The following CTNNA3 variants were observed in gnomAD, a reference collection of about 807,000 sequenced individuals.
CTNNA3 encodes catenin alpha-3.
In CTNNA3, 76 loss-of-function variants were observed where a neutral mutation model predicts 95.7. That is an observed-to-expected ratio of 0.79 (90% CI 0.66 to 0.96). CTNNA3 has a LOEUF of 0.96. Ranked by LOEUF, CTNNA3 falls within the 40% of genes least tolerant of loss-of-function variation. CTNNA3 has a pLI of 0.00. For missense variants in CTNNA3, 1,191 were observed against 1,089.8 expected, an observed-to-expected ratio of 1.09 and a Z score of -1.31; for synonymous variants, 431 against 374.4, an observed-to-expected ratio of 1.15 and a Z score of -1.74.
intron 4 of CTNNA3, among the ~76,000 whole-genome samples, chr10:67,526,507 C>A (rs986461199): frequency 2.0e-5 from 3 of 152,190 alleles, no homozygotes; most frequent in African/African-American, 7.2e-5. Flanking sequence ...CATTTAATAA[C>A]TGCATCACTT....
At chr10:66,649,410 A>G (rs1845818824) in intron 9 of CTNNA3, among the ~76,000 whole-genome samples, 1 of 152,160 alleles carries the variant, frequency 6.6e-6, no homozygotes, top group Non-Finnish European at 1.5e-5. Context: ...TAAGAAAGAC[A>G]CACTGATAAA....
intron 5 of CTNNA3, among the ~76,000 whole-genome samples, chr10:67,354,003 C>T (rs1354714050): frequency 1.1e-4 from 17 of 152,086 alleles, no homozygotes; most frequent in Non-Finnish European, 1.8e-4. Context: ...CAGCCCACTC[C>T]GCCTCCATTC....
intron 11 of CTNNA3, among the ~76,000 whole-genome samples, chr10:66,491,723 T>C (rs1016564368): frequency 6.6e-6 from 1 of 152,158 alleles, no homozygotes; most frequent in African/African-American, 2.4e-5. Flanking sequence ...AGGTAGCCAA[T>C]TTCAAAATCA....
chr10:67,466,956 A>C (rs143881866), intron 5 of CTNNA3, among the ~76,000 whole-genome samples: 24 of 152,254 alleles, frequency 1.6e-4, no homozygotes, highest in African/African-American at 5.1e-4. Context: ...AGCAGACAGA[A>C]AACCAAAAGG....
intron 9 of CTNNA3, among the ~76,000 whole-genome samples, chr10:66,628,876 T>C (rs7902213): frequency 3.9e-5 from 6 of 152,220 alleles, no homozygotes; most frequent in African/African-American, 1.4e-4. Flanking sequence ...GTTAGATGTG[T>C]AGTTAAGAGG....
At chr10:66,126,050 A>G (rs1018132818) in intron 13 of CTNNA3, among the ~76,000 whole-genome samples, 1 of 152,204 alleles carries the variant, frequency 6.6e-6, no homozygotes, top group Non-Finnish European at 1.5e-5. Flanking sequence ...AAGTTTGACA[A>G]CATTATTTAC....
At chr10:67,065,469 G>T (rs1392232399) in intron 7 of CTNNA3, among the ~76,000 whole-genome samples, 3 of 152,068 alleles carry the variant, frequency 2.0e-5, no homozygotes, top group African/African-American at 7.2e-5. Flanking sequence ...AATAAATATT[G>T]AAAAGTATTA....
intron 7 of CTNNA3, among the ~76,000 whole-genome samples, chr10:66,920,504 C>T (rs1450073938): frequency 6.6e-6 from 1 of 152,176 alleles, no homozygotes; most frequent in Admixed American, 6.5e-5. Flanking sequence ...TTGCCTCTGT[C>T]TAGTTCATTT....
At chr10:66,724,095 C>G (rs1164671543) in intron 9 of CTNNA3, among the ~76,000 whole-genome samples, 1 of 151,998 alleles carries the variant, frequency 6.6e-6, no homozygotes, top group Non-Finnish European at 1.5e-5. Context: ...TGAAAGTGCT[C>G]TCTGACAACA....
At chr10:66,042,916 A>C in intron 15 of CTNNA3, among the ~76,000 whole-genome samples, 1 of 144,686 alleles carries the variant, frequency 6.9e-6, no homozygotes, top group Middle Eastern at 3.5e-3. Context: ...AAAAAAAAAA[A>C]AAAAAAAAAA....
intron 7 of CTNNA3, among the ~76,000 whole-genome samples, chr10:67,001,252 G>A (rs1221090290): frequency 6.8e-6 from 1 of 147,176 alleles, no homozygotes; most frequent in African/African-American, 2.5e-5. Context: ...AGTGAGCCGA[G>A]ATGGAGCCAC....
At chr10:67,109,299 C>T (rs2131965602) in intron 7 of CTNNA3, among the ~76,000 whole-genome samples, 1 of 152,202 alleles carries the variant, frequency 6.6e-6, no homozygotes, top group Admixed American at 6.5e-5. Flanking sequence ...CCTGATATAC[C>T]AATAAGCACA....
chr10:66,983,679 G>A (rs1850572351), intron 7 of CTNNA3, among the ~76,000 whole-genome samples: 1 of 152,170 alleles, frequency 6.6e-6, no homozygotes, highest in African/African-American at 2.4e-5. Context: ...ATGACCTCAG[G>A]TGGAGGGAGG....
intron 13 of CTNNA3, among the ~76,000 whole-genome samples, chr10:66,138,381 G>T (rs2083454252): frequency 6.6e-6 from 1 of 152,128 alleles, no homozygotes; most frequent in South Asian, 2.1e-4. Context: ...TTTGGGCAAT[G>T]ATATCATGCT....
At chr10:67,392,783 A>C (rs1844556042) in intron 5 of CTNNA3, among the ~76,000 whole-genome samples, 1 of 152,158 alleles carries the variant, frequency 6.6e-6, no homozygotes, top group African/African-American at 2.4e-5. Flanking sequence ...GGAAATCATC[A>C]TTCTCAGTAA....
chr10:66,226,851 T>C (rs1431657305), intron 13 of CTNNA3, among the ~76,000 whole-genome samples: 1 of 152,104 alleles, frequency 6.6e-6, no homozygotes, highest in Non-Finnish European at 1.5e-5. Context: ...TTAATTTATT[T>C]TTCACTAAGT....
intron 15 of CTNNA3, among the ~76,000 whole-genome samples, chr10:66,028,185 T>A (rs1429312256): frequency 6.6e-6 from 1 of 152,192 alleles, no homozygotes. Flanking sequence ...GAAGTCAGTG[T>A]GGGAATTCCT....
chr10:66,190,910 C>G (rs1409981539), intron 13 of CTNNA3, among the ~76,000 whole-genome samples: 1 of 152,148 alleles, frequency 6.6e-6, no homozygotes, highest in Non-Finnish European at 1.5e-5. Context: ...CAATGACCCC[C>G]TAGCGGATGA....
intron 7 of CTNNA3, among the ~76,000 whole-genome samples, chr10:66,836,459 T>G (rs958568674): frequency 6.6e-6 from 1 of 152,116 alleles, no homozygotes; most frequent in Non-Finnish European, 1.5e-5. Flanking sequence ...TCCATTATCC[T>G]GAGTATCCAA....
Sources: allele counts gnomAD v4.1 joint callset (sites outside exome capture counted in the v4.1 genomes callset), GRCh38; gene constraint gnomAD v4.1.1; transcripts MANE v1.5; gene names NCBI Gene and HGNC (gene_info 2026-07-23, HGNC 2026-07-21).